The following MID1 variants were observed in gnomAD, a reference collection of about 807,000 sequenced individuals.
MID1 encodes midline 1.
In MID1, 7 loss-of-function variants were observed where a neutral mutation model predicts 40.4. The ratio of observed to expected loss-of-function variants is 0.17; its 90% CI spans 0.10 to 0.33. The LOEUF (loss-of-function observed/expected upper bound fraction) is 0.33. MID1 is among the 10% of genes least tolerant of loss of function. The probability of loss-of-function intolerance (pLI) is 1.00; values close to 1 mark genes in which losing one functional copy is unlikely to be tolerated. For synonymous variants in MID1, 229 were observed against 221.2 expected (o/e 1.04, Z -0.31); for missense variants, 367 against 558.5 (o/e 0.66, Z 3.46).
At chrX:10,824,789 A>T (rs1407398713) in intron 1 of MID1, among the ~76,000 whole-genome samples, 1 of 111,218 alleles carries the variant, frequency 9.0e-6, no homozygotes, top group Non-Finnish European at 1.9e-5. Flanking sequence ...TTTTCAGATA[A>T]CAGCTTCCAC....
chrX:10,642,812 A>C (rs1936215840), intron 1 of MID1, among the ~76,000 whole-genome samples: 1 of 110,641 alleles, frequency 9.0e-6, no homozygotes, highest in East Asian at 2.8e-4. Context: ...GTACCAAAAC[A>C]GAGATATAGA....
rs1349900904 is a variant in MID1 at position 10,832,418 on chromosome X, ATTAAC to A, written c.-187+1131_-187+1135del. Among the ~76,000 whole-genome samples the A allele has an allele frequency of 2.7e-5, 3 of 112,481 alleles. No homozygotes were observed. The Admixed American group carries it at 2.8e-4, about 11-fold the overall frequency. On this transcript the variant is annotated intron_variant, in intron 1 of 10. Coordinates refer to the MID1 transcript ENST00000380785. ...GTTTGCACTGATTACTTTTCTTTAA[ATTAAC>A]TTAAGCAATTAATTTCATAATATCA...
In MID1 at chrX:10,713,324, GA is replaced by G. The variant is rs1182381984; in HGVS notation, c.-186-92906del. ...AGGGACACAGAGAAATAGAGAAGGA[GA>G]TTTTTTTTTTTTTTTTGAGACAGGA... On this transcript the variant is annotated intron_variant, in intron 1 of 10. Coordinates refer to the MID1 transcript ENST00000380785. Among the ~76,000 whole-genome samples, 489 of 98,328 alleles carry G rather than the reference GA, an allele frequency of 5.0e-3. 3 individuals carry two copies. The highest frequency in any genetic ancestry group is 0.02 in the African/African-American group (467 of 23,242). 85.4% of individuals were successfully genotyped at this position (98,328 alleles called of 115,157 possible). A position where few individuals can be genotyped will look rare whatever the true frequency, so the allele number is the denominator to read the frequency against.
At chrX:10,783,837 T>C (rs2043862406) in intron 1 of MID1, among the ~76,000 whole-genome samples, 1 of 110,435 alleles carries the variant, frequency 9.1e-6, no homozygotes, top group Non-Finnish European at 1.9e-5. Context: ...TCCATCAAAA[T>C]TGTTCCTTAA....
intron 1 of MID1, among the ~76,000 whole-genome samples, chrX:10,667,728 A>G (rs1280666903): frequency 9.0e-6 from 1 of 111,296 alleles, no homozygotes; most frequent in African/African-American, 3.3e-5. Context: ...CAAAGCTCAA[A>G]GACTGATTGT....
chrX:10,512,896 C>CTTTA (rs36030579), intron 3 of MID1, among the ~76,000 whole-genome samples: 16,455 of 111,699 alleles, frequency 0.15, 2,729 homozygotes, highest in African/African-American at 0.48. Flanking sequence ...TTGTAAAAAT[C>CTTTA]TTTGTGTTGC....
At chrX:10,611,707 C>T (rs752540260) in intron 1 of MID1, among the ~76,000 whole-genome samples, 1 of 111,297 alleles carries the variant, frequency 9.0e-6, no homozygotes, top group East Asian at 2.8e-4. Context: ...ACATAAAATC[C>T]TCTCTCTTTA....
intron 1 of MID1, among the ~76,000 whole-genome samples, chrX:10,704,030 AC>A (rs2043209849): frequency 8.9e-6 from 1 of 112,176 alleles, no homozygotes; most frequent in Non-Finnish European, 1.9e-5. Flanking sequence ...TTATAACGTA[AC>A]TTTTGTTGAT....
chrX:10,536,292 G>A (rs1297002437), intron 2 of MID1, among the ~76,000 whole-genome samples: 1 of 111,231 alleles, frequency 9.0e-6, no homozygotes, highest in Non-Finnish European at 1.9e-5. Flanking sequence ...ATGGCCACTT[G>A]CCTGGGGAAA....
chrX:10,529,627 C>T (rs1012895265), intron 2 of MID1, among the ~76,000 whole-genome samples: 2 of 111,766 alleles, frequency 1.8e-5, no homozygotes, highest in Non-Finnish European at 3.8e-5. Context: ...CACTCCTGTG[C>T]TGTGCTCCTG....
At chrX:10,704,498 C>A (rs193108844) in intron 1 of MID1, among the ~76,000 whole-genome samples, 134 of 108,364 alleles carry the variant, frequency 1.2e-3, no homozygotes, top group Non-Finnish European at 2.2e-3. Context: ...TTTATGGGCC[C>A]CCAGACTCTT....
At chrX:10,592,546 G>A (rs1935330167) in intron 1 of MID1, among the ~76,000 whole-genome samples, 2 of 110,291 alleles carry the variant, frequency 1.8e-5, no homozygotes, top group South Asian at 3.8e-4. Flanking sequence ...AAAGGAAGAT[G>A]GAAGTCAAAT....
chrX:10,504,830 A>G (rs368508869), intron 3 of MID1, among the ~76,000 whole-genome samples: 12 of 110,003 alleles, frequency 1.1e-4, no homozygotes, highest in African/African-American at 4.0e-4. Context: ...TCTCTGCTGC[A>G]GCTTCTCAAC....
chrX:10,628,271 T>A (rs1280839294), intron 1 of MID1, among the ~76,000 whole-genome samples: 1 of 110,628 alleles, frequency 9.0e-6, no homozygotes. Context: ...AAGAAAAAAA[T>A]GCAAACATGG....
intron 1 of MID1, among the ~76,000 whole-genome samples, chrX:10,723,971 T>C (rs2043374331): frequency 8.9e-6 from 1 of 112,861 alleles, no homozygotes; most frequent in African/African-American, 3.2e-5. Context: ...TATTGCATGC[T>C]AATTGCACTT....
intron 7 of MID1, among the ~76,000 whole-genome samples, chrX:10,467,766 G>A (rs1464738800): frequency 8.9e-6 from 1 of 112,105 alleles, no homozygotes; most frequent in East Asian, 2.8e-4. Flanking sequence ...TTAGGATTAG[G>A]TGACTGAGGA....
chrX:10,723,700 C>T (rs2043372472), intron 1 of MID1, among the ~76,000 whole-genome samples: 2 of 112,291 alleles, frequency 1.8e-5, no homozygotes, highest in Admixed American at 1.9e-4. Context: ...TACAGGCGCC[C>T]GCCACCGCGC....
chrX:10,655,378 G>A (rs2042863463), intron 1 of MID1, among the ~76,000 whole-genome samples: 2 of 111,211 alleles, frequency 1.8e-5, no homozygotes, highest in African/African-American at 6.5e-5. Context: ...CCTGACAGAA[G>A]AGAGTACTTT....
chrX:10,584,789 T>C (rs181195905), intron 1 of MID1, among the ~76,000 whole-genome samples: 1 of 111,029 alleles, frequency 9.0e-6, no homozygotes, highest in Non-Finnish European at 1.9e-5. Context: ...GCAGAGAAAA[T>C]TGGGTAGCAG....
Sources: allele counts gnomAD v4.1 joint callset (sites outside exome capture counted in the v4.1 genomes callset), GRCh38; gene constraint gnomAD v4.1.1; transcripts MANE v1.5; gene names NCBI Gene and HGNC (gene_info 2026-07-23, HGNC 2026-07-21).